The following SMIM36 variants were observed in gnomAD, a reference collection of about 807,000 sequenced individuals.
The protein encoded by SMIM36 is small integral membrane protein 36.
the SMIM36 span, among the ~76,000 whole-genome samples, chr17:55,531,735 T>C: frequency 6.6e-6 from 1 of 152,238 alleles, no homozygotes. Context: ...ACACAGTCAC[T>C]GTTTTACATA....
intron 4 of SMIM36, among the ~76,000 whole-genome samples, chr17:55,456,491 A>G (rs1567861874): frequency 6.6e-6 from 1 of 152,184 alleles, no homozygotes; most frequent in Admixed American, 6.5e-5. Flanking sequence ...ATTCTTCCAT[A>G]TGACTTATTG....
Position 55,493,708 on chromosome 17 carries a change from G to A in SMIM36, c.*175-14128C>T, listed in dbSNP as rs545134380. Among the ~76,000 whole-genome samples the A allele has an allele frequency of 2.0e-5, 3 of 151,484 alleles. No individual in the cohort carries two copies. In the South Asian group the frequency reaches 6.3e-4, roughly 32 times the overall value. ...ACCTGTAGCCCCAGCTACTTAGGAG[G>A]CTGAGGTGGGAGGATCCCTTGAGCC... On this transcript the variant is annotated intron_variant, in intron 1 of 4. Coordinates refer to ENST00000636752, the Ensembl canonical transcript of SMIM36.
At chr17:55,483,720 T>C (rs1447205375) in intron 1 of SMIM36, among the ~76,000 whole-genome samples, 1 of 152,184 alleles carries the variant, frequency 6.6e-6, no homozygotes, top group Non-Finnish European at 1.5e-5. Context: ...CTGCAACCTC[T>C]GCCTCTGGAT....
At chr17:55,460,793 G>A (rs1909135681) in intron 4 of SMIM36, among the ~76,000 whole-genome samples, 1 of 152,176 alleles carries the variant, frequency 6.6e-6, no homozygotes, top group Non-Finnish European at 1.5e-5. Context: ...AGGAGGCGGA[G>A]CTTCCAGTGA....
At chr17:55,450,899 T>A (rs2143218682) in intron 4 of SMIM36, among the ~76,000 whole-genome samples, 2 of 152,356 alleles carry the variant, frequency 1.3e-5, no homozygotes, top group African/African-American at 4.8e-5. Flanking sequence ...GGCTTCTTTT[T>A]TTTTTGAGAC....
intron 1 of SMIM36, among the ~76,000 whole-genome samples, chr17:55,488,306 C>T (rs931912344): frequency 2.6e-5 from 4 of 152,194 alleles, no homozygotes; most frequent in African/African-American, 4.8e-5. Context: ...AGTCTGTTAG[C>T]GTGGAGGCTG....
chr17:55,467,428 G>T (rs1214603527), intron 3 of SMIM36, 100 bp from the exon 4 acceptor site: 1 of 150,814 alleles, frequency 6.6e-6, no homozygotes, highest in Admixed American at 6.6e-5. Flanking sequence ...ACAGAGTCTC[G>T]CTCTGTCACC....
At chr17:55,513,000 A>G (rs1910207856), upstream of SMIM36, among the ~76,000 whole-genome samples, 1 of 152,188 alleles carries the variant, frequency 6.6e-6, no homozygotes, top group South Asian at 2.1e-4. Flanking sequence ...TTTCCAAATA[A>G]TATCGTCCAT....
chr17:55,527,089 G>T, the SMIM36 span: 1 of 152,216 alleles, frequency 6.6e-6, no homozygotes, highest in African/African-American at 2.4e-5. Flanking sequence ...CAGATTTGTA[G>T]TTTAAAATGG....
intron 1 of SMIM36, among the ~76,000 whole-genome samples, chr17:55,490,162 C>T (rs7208128): frequency 6.6e-6 from 1 of 151,904 alleles, no homozygotes; most frequent in East Asian, 1.9e-4. Flanking sequence ...GCCATCGATG[C>T]GTATTTTTGC....
At chr17:55,524,900 A>G in the SMIM36 span, among the ~76,000 whole-genome samples, 3 of 152,218 alleles carry the variant, frequency 2.0e-5, no homozygotes, top group Non-Finnish European at 2.9e-5. Context: ...AGAGCTTACT[A>G]TGTGCTAAGT....
At chr17:55,451,190 T>A (rs911031780) in intron 4 of SMIM36, among the ~76,000 whole-genome samples, 2 of 152,184 alleles carry the variant, frequency 1.3e-5, no homozygotes, top group Non-Finnish European at 2.9e-5. Flanking sequence ...CAGCCCCTAA[T>A]GGCTTCTTAT....
chr17:55,526,207 G>A, the SMIM36 span, among the ~76,000 whole-genome samples: 2 of 151,956 alleles, frequency 1.3e-5, no homozygotes, highest in Non-Finnish European at 2.9e-5. Flanking sequence ...GCAGTGGTGC[G>A]ATCTCGGCTC....
the SMIM36 span, among the ~76,000 whole-genome samples, chr17:55,519,702 C>G: frequency 5.3e-5 from 8 of 152,124 alleles, no homozygotes; most frequent in Admixed American, 5.2e-4. Context: ...CTTGGTAAGA[C>G]AATGGTGGTC....
chr17:55,475,703 G>T (rs111818874), intron 3 of SMIM36, among the ~76,000 whole-genome samples: 4,032 of 152,224 alleles, frequency 0.026, 195 homozygotes, highest in African/African-American at 0.091. Context: ...ACCCCCTTGG[G>T]CACTCTCTAA....
At chr17:55,494,227 G>A (rs902695231) in intron 1 of SMIM36, among the ~76,000 whole-genome samples, 2 of 152,062 alleles carry the variant, frequency 1.3e-5, no homozygotes, top group Non-Finnish European at 2.9e-5. Context: ...TACGAGACAC[G>A]CACTCCTTTT....
In SMIM36 at chr17:55,482,453, G is replaced by C. The variant is rs148734044; in HGVS notation, c.*175-2873C>G. Among the ~76,000 whole-genome samples, 20 of 152,298 alleles carry C rather than the reference G, an allele frequency of 1.3e-4. No homozygotes were observed. The East Asian group carries it at 3.9e-3, about 29-fold the overall frequency. On this transcript the variant is annotated intron_variant, in intron 1 of 4. Transcript: ENST00000636752. ...CTCCTTCTCCAGGCTTCCACAGGCT[G>C]TTACCAAGCACTCTCATTGTACTTT...
intron 1 of SMIM36, among the ~76,000 whole-genome samples, chr17:55,492,986 C>A (rs889737988): frequency 6.6e-6 from 1 of 152,196 alleles, no homozygotes; most frequent in African/African-American, 2.4e-5. Context: ...TGTAGAATCA[C>A]CAACGCGGGG....
chr17:55,465,215 G>C (rs1909215953), intron 4 of SMIM36, among the ~76,000 whole-genome samples: 1 of 152,214 alleles, frequency 6.6e-6, no homozygotes, highest in Non-Finnish European at 1.5e-5. Context: ...GGACAGCACA[G>C]TAAAGTGTAA....
Sources: allele counts gnomAD v4.1 joint callset (sites outside exome capture counted in the v4.1 genomes callset), GRCh38; gene constraint gnomAD v4.1.1; transcripts MANE v1.5; gene names NCBI Gene and HGNC (gene_info 2026-07-23, HGNC 2026-07-21).